The following FHIT variants were observed in gnomAD, a reference collection of about 807,000 sequenced individuals.
The protein encoded by FHIT is bis(5'-adenosyl)-triphosphatase.
Under a neutral mutation model 17.9 loss-of-function variants are expected in FHIT, and 19 were observed. The ratio of observed to expected loss-of-function variants is 1.06; its 90% CI spans 0.74 to 1.56. FHIT has a LOEUF of 1.56. Ranked by LOEUF, FHIT falls within the 40% of genes most tolerant of loss-of-function variation. The probability of loss-of-function intolerance (pLI) is 0.00; values close to 1 mark genes in which losing one functional copy is unlikely to be tolerated. For synonymous variants in FHIT, 81 were observed against 69.7 expected, an observed-to-expected ratio of 1.16 and a Z score of -0.81; for missense variants, 248 against 189.2, an observed-to-expected ratio of 1.31 and a Z score of -1.82.
At chr3:60,347,112 C>G (rs1471391988) in intron 5 of FHIT, among the ~76,000 whole-genome samples, 1 of 151,800 alleles carries the variant, frequency 6.6e-6, no homozygotes, top group Non-Finnish European at 1.5e-5. Context: ...TGCCTACCAA[C>G]TGAACTGTTT....
At chr3:60,471,464 G>A (rs762624344) in intron 5 of FHIT, among the ~76,000 whole-genome samples, 1 of 152,112 alleles carries the variant, frequency 6.6e-6, no homozygotes, top group African/African-American at 2.4e-5. Flanking sequence ...GTTCTTCCTG[G>A]TGTTGCTTTC....
intron 3 of FHIT, among the ~76,000 whole-genome samples, chr3:60,996,627 G>A (rs2030694880): frequency 6.6e-6 from 1 of 152,172 alleles, no homozygotes; most frequent in African/African-American, 2.4e-5. Flanking sequence ...TTACGTGTTT[G>A]AATCCACGAC....
chr3:59,826,795 A>C (rs1700994585), intron 8 of FHIT, among the ~76,000 whole-genome samples: 1 of 152,276 alleles, frequency 6.6e-6, no homozygotes, highest in Non-Finnish European at 1.5e-5. Context: ...GACATTTCCA[A>C]ATTCCTCATA....
chr3:60,367,394 T>C (rs1237333924), intron 5 of FHIT, among the ~76,000 whole-genome samples: 1 of 152,220 alleles, frequency 6.6e-6, no homozygotes, highest in African/African-American at 2.4e-5. Flanking sequence ...TAGTGAATTT[T>C]CTAGAGAATG....
chr3:59,774,971 T>G (rs1470089600), intron 8 of FHIT, among the ~76,000 whole-genome samples: 1 of 152,172 alleles, frequency 6.6e-6, no homozygotes, highest in Non-Finnish European at 1.5e-5. Context: ...GAGCTTAGGC[T>G]TCATCTCAGA....
At chr3:59,913,714 A>G (rs1704995239) in intron 8 of FHIT, among the ~76,000 whole-genome samples, 3 of 152,204 alleles carry the variant, frequency 2.0e-5, no homozygotes, top group Admixed American at 2.0e-4. Context: ...GTTTATGACC[A>G]CTAACCTTAC....
chr3:60,537,581 C>T, intron 4 of FHIT: 1 of 355,946 alleles, frequency 2.8e-6, no homozygotes. Context: ...AAAACTAGAA[C>T]AATTCCTGGT....
chr3:60,395,900 G>A (rs1345631413), intron 5 of FHIT, among the ~76,000 whole-genome samples: 1 of 152,114 alleles, frequency 6.6e-6, no homozygotes, highest in African/African-American at 2.4e-5. Flanking sequence ...AAGGTGATTA[G>A]TGCTTAGATT....
chr3:60,138,838 G>A (rs1315610142), intron 5 of FHIT, among the ~76,000 whole-genome samples: 1 of 152,104 alleles, frequency 6.6e-6, no homozygotes. Context: ...GTCACCAACA[G>A]AATCATTATT....
intron 4 of FHIT, among the ~76,000 whole-genome samples, chr3:60,638,401 G>C (rs2039642133): frequency 6.6e-6 from 1 of 152,116 alleles, no homozygotes; most frequent in Middle Eastern, 3.2e-3. Flanking sequence ...GATATTTAAG[G>C]CATCACACTG....
chr3:60,961,509 C>G (rs961772325), intron 3 of FHIT, among the ~76,000 whole-genome samples: 1 of 152,202 alleles, frequency 6.6e-6, no homozygotes, highest in Non-Finnish European at 1.5e-5. Context: ...TTACCCATGC[C>G]TATATCCTGA....
chr3:60,241,740 G>T (rs1269907212), intron 5 of FHIT, among the ~76,000 whole-genome samples: 1 of 152,130 alleles, frequency 6.6e-6, no homozygotes, highest in East Asian at 1.9e-4. Context: ...GAGAAGAGAT[G>T]AGTTATATTC....
chr3:60,216,733 G>C (rs1266724107), intron 5 of FHIT, among the ~76,000 whole-genome samples: 5 of 152,100 alleles, frequency 3.3e-5, no homozygotes, highest in Non-Finnish European at 7.4e-5. Flanking sequence ...AAATGTCTTA[G>C]GCTATCACCT....
At chr3:60,797,650 A>G (rs975010268) in intron 4 of FHIT, among the ~76,000 whole-genome samples, 1 of 150,676 alleles carries the variant, frequency 6.6e-6, no homozygotes, top group African/African-American at 2.4e-5. Context: ...CTATCTTTAA[A>G]TTTAGGTTGC....
chr3:60,554,384 T>C (rs780271553), intron 4 of FHIT, among the ~76,000 whole-genome samples: 4 of 152,196 alleles, frequency 2.6e-5, no homozygotes, highest in Admixed American at 6.5e-5. Context: ...CTTACTGTTA[T>C]GTATCTTTCT....
At chr3:60,447,702 G>C (rs2107355686) in intron 5 of FHIT, among the ~76,000 whole-genome samples, 1 of 152,234 alleles carries the variant, frequency 6.6e-6, no homozygotes, top group Admixed American at 6.5e-5. Flanking sequence ...AAGTTTATCA[G>C]GGAGCAAGAT....
intron 4 of FHIT, among the ~76,000 whole-genome samples, chr3:60,664,059 C>T (rs1165800181): frequency 1.3e-5 from 2 of 152,118 alleles, no homozygotes; most frequent in South Asian, 2.1e-4. Flanking sequence ...GAGAGTGAAC[C>T]TCCTGGCCTT....
At chr3:61,033,709 A>G (rs1298578754) in intron 3 of FHIT, among the ~76,000 whole-genome samples, 1 of 152,170 alleles carries the variant, frequency 6.6e-6, no homozygotes, top group African/African-American at 2.4e-5. Context: ...TCTACCTTCC[A>G]CTTTATGTCT....
chr3:60,014,669 T>G (rs1016855134), intron 5 of FHIT, among the ~76,000 whole-genome samples: 3 of 152,162 alleles, frequency 2.0e-5, no homozygotes, highest in African/African-American at 7.2e-5. Flanking sequence ...TTTAAAAGAG[T>G]ATAGACATTC....
Sources: allele counts gnomAD v4.1 joint callset (sites outside exome capture counted in the v4.1 genomes callset), GRCh38; gene constraint gnomAD v4.1.1; transcripts MANE v1.5; gene names NCBI Gene and HGNC (gene_info 2026-07-23, HGNC 2026-07-21).